FASTKD1: variants seen among roughly 807,000 people sequenced by gnomAD.
FASTKD1 encodes the protein FAST kinase domains 1.
Under a neutral mutation model 90.9 loss-of-function variants are expected in FASTKD1, and 94 were observed. That is an observed-to-expected ratio of 1.03 (90% CI 0.88 to 1.23). The LOEUF is 1.23. Ranked by LOEUF, FASTKD1 falls within the 50% of genes most tolerant of loss-of-function variation. The probability of loss-of-function intolerance (pLI) is 0.00; values close to 1 mark genes in which losing one functional copy is unlikely to be tolerated. For synonymous variants in FASTKD1, 319 were observed against 345.8 expected, an observed-to-expected ratio of 0.92 and a Z score of 0.86; for missense variants, 945 against 993.5, an observed-to-expected ratio of 0.95 and a Z score of 0.66.
At chr2:169,543,192 G>A (rs559229213) in intron 9 of FASTKD1, among the ~76,000 whole-genome samples, 52 of 152,230 alleles carry the variant, frequency 3.4e-4, no homozygotes, top group African/African-American at 1.1e-3. Flanking sequence ...AGCCAGGCAC[G>A]GTGGCTCACA....
At chr2:169,556,153 A>T (rs1034013414) in intron 6 of FASTKD1, among the ~76,000 whole-genome samples, 2 of 152,190 alleles carry the variant, frequency 1.3e-5, no homozygotes. Flanking sequence ...AAAAAGCTAT[A>T]AACAATTGTC....
intron 12 of FASTKD1, among the ~76,000 whole-genome samples, chr2:169,535,096 G>A (rs1684673398): frequency 1.3e-5 from 2 of 149,248 alleles, no homozygotes; most frequent in Admixed American, 1.3e-4. Context: ...GGGCTCAAGT[G>A]ATCCTCCTAC....
rs544127206 is a variant in FASTKD1, at chr2:169,529,053, A to G, written c.*772T>C. On this transcript the variant is annotated 3_prime_UTR_variant, in exon 15 of 15. Coordinates refer to ENST00000453153, the MANE Select transcript of FASTKD1 (RefSeq NM_024622.6). ...GGCATTGAATACTGCTGACATTTAT[A>G]CATTTATATCTGGGGCCTGGACCTC... Among the ~76,000 whole-genome samples, 5 of 152,196 alleles carry G rather than the reference A, an allele frequency of 3.3e-5. No homozygotes were observed. The South Asian group carries it at 8.3e-4, about 25-fold the overall frequency.
At chr2:169,560,345 T>C in intron 5 of FASTKD1, 42 bp downstream of exon 5, 1 of 1,482,454 alleles carries the variant, frequency 6.7e-7, no homozygotes, top group Non-Finnish European at 9.0e-7. Flanking sequence ...AGGCTCCACG[T>C]ATTCACAACA....
At position 169,560,528 on chromosome 2, in the gene FASTKD1, A is replaced by C. The variant is rs1683538511; in HGVS notation, c.830T>G (p.Phe277Cys). The C allele has an allele frequency of 6.2e-7, 1 of 1,603,850 alleles. No homozygotes were observed. The highest frequency in any genetic ancestry group is 1.7e-5 in the Admixed American group (1 of 57,974). Residue 277 changes from phenylalanine to cysteine, a missense_variant, in exon 5 of 15, where the codon TTT (phenylalanine) becomes TGT (cysteine). Phe to Cys is a radical substitution (Grantham distance 205, BLOSUM62 -2). Transcript: ENST00000453153. ...AAATTCAAAACTATTAAATTGTAGAAATTTGTATACACTAAGTATTTTACT... is the reference window on the plus strand; with the variant it reads ...AAATTCAAAACTATTAAATTGTAGACATTTGTATACACTAAGTATTTTACT... ...SISKILSVYK[F>C]LQFNSFEFII...
At chr2:169,556,985 C>G (rs1382429322) in intron 6 of FASTKD1, among the ~76,000 whole-genome samples, 1 of 149,152 alleles carries the variant, frequency 6.7e-6, no homozygotes, top group Non-Finnish European at 1.5e-5. Context: ...CCAGCCTGGG[C>G]AACAGAGTGA....
At chr2:169,552,012 A>T (rs1685511521) in intron 7 of FASTKD1, among the ~76,000 whole-genome samples, 3 of 152,204 alleles carry the variant, frequency 2.0e-5, no homozygotes, top group Admixed American at 6.5e-5. Context: ...GAGCTGTTTC[A>T]GGACCTAGGA....
At chr2:169,532,018 G>C (rs1438630164) in intron 12 of FASTKD1, among the ~76,000 whole-genome samples, 1 of 152,180 alleles carries the variant, frequency 6.6e-6, no homozygotes, top group Non-Finnish European at 1.5e-5. Context: ...TAGGCAATGA[G>C]TGATCATTAA....
chr2:169,562,213 G>A (rs1245806277), intron 4 of FASTKD1, among the ~76,000 whole-genome samples: 1 of 148,066 alleles, frequency 6.8e-6, no homozygotes, highest in Admixed American at 6.8e-5. Flanking sequence ...TTCAAGTTTT[G>A]TTACTGTTTT....
chr2:169,546,732 A>G, intron 7 of FASTKD1, 28 bp from the exon 8 acceptor site: 1 of 1,573,876 alleles, frequency 6.4e-7, no homozygotes, highest in Non-Finnish European at 8.6e-7. Context: ...AAAAGAATAC[A>G]TCAGCAACAA....
chr2:169,557,092 C>G (rs780168555), intron 6 of FASTKD1, 95 bp downstream of exon 6: 1 of 772,202 alleles, frequency 1.3e-6, no homozygotes, highest in South Asian at 1.4e-5. Flanking sequence ...TTCAAAACAA[C>G]TGGTAGATTA....
At chr2:169,541,911 C>T (rs1382097127) in intron 9 of FASTKD1, among the ~76,000 whole-genome samples, 2 of 152,166 alleles carry the variant, frequency 1.3e-5, no homozygotes, top group Admixed American at 6.6e-5. Context: ...AAAAACCAAA[C>T]ATGCTCTCAC....
intron 9 of FASTKD1, among the ~76,000 whole-genome samples, chr2:169,540,426 T>C (rs951068264): frequency 1.3e-5 from 2 of 152,208 alleles, no homozygotes; most frequent in African/African-American, 4.8e-5. Context: ...ACTGATTCCC[T>C]AGGTGATTCA....
rs1683644630 is a variant in FASTKD1 at position 169,561,814 on chromosome 2, G to GTAAATTATTTATTAATTTATTA, written c.573-1030_573-1029insTAATAAATTAATAAATAATTTA. Among the ~76,000 whole-genome samples the GTAAATTATTTATTAATTTATTA allele has an allele frequency of 4.7e-5, 6 of 128,762 alleles. No individual in the cohort carries two copies. In the South Asian group the frequency reaches 1.3e-3, roughly 29 times the overall value. The allele number at this position is 128,762 out of a possible 152,430, so 84.5% of individuals were successfully genotyped here. On this transcript the variant is annotated intron_variant, in intron 4 of 14. Coordinates refer to ENST00000453153, the MANE Select transcript of FASTKD1 (RefSeq NM_024622.6). ...ATTGTAAATTATTTATTAATTTATT[G>GTAAATTATTTATTAATTTATTA]TAAATTATTTATTAATTTATTGTAA...
At chr2:169,564,916 G>A (rs1683883121) in intron 3 of FASTKD1, among the ~76,000 whole-genome samples, 1 of 148,672 alleles carries the variant, frequency 6.7e-6, no homozygotes, top group African/African-American at 2.5e-5. Flanking sequence ...TTTTACGGCT[G>A]AATATTACCC....
rs529282990 is a variant in FASTKD1, at chr2:169,554,843, C to T, written c.1214+281G>A. 5.3e-5 allele frequency among the ~76,000 whole-genome samples: 8 copies of T among 152,300 alleles called. No homozygotes were observed. In the South Asian group the frequency reaches 1.0e-3, roughly 20 times the overall value. ...AGCAGTCCCAATCTTTTCATGGTGA[C>T]TCCATTTTGCAGGAAAGGAGAATGG... is the stretch of plus-strand genomic sequence containing the variant. On this transcript the variant is annotated intron_variant, in intron 7 of 14. Coordinates refer to ENST00000453153, the MANE Select transcript of FASTKD1 (RefSeq NM_024622.6).
At chr2:169,566,365 G>A (rs545961443) in intron 3 of FASTKD1, among the ~76,000 whole-genome samples, 42 of 152,298 alleles carry the variant, frequency 2.8e-4, no homozygotes, top group African/African-American at 9.4e-4. Context: ...AATTGTTGAA[G>A]CTGGAGGATG....
intron 4 of FASTKD1, among the ~76,000 whole-genome samples, chr2:169,560,986 T>A (rs911884318): frequency 6.8e-6 from 1 of 147,330 alleles, no homozygotes; most frequent in Non-Finnish European, 1.5e-5. Flanking sequence ...CCCAGCCACA[T>A]AAGTGTATTT....
chr2:169,530,947 CCTA>C (rs781005061), intron 13 of FASTKD1: 2 of 688,444 alleles, frequency 2.9e-6, no homozygotes, highest in East Asian at 2.9e-5. Flanking sequence ...TTTACACATG[CCTA>C]CTACATGTAA....
Sources: gnomAD v4.1 joint callset for allele counts (sites outside exome capture counted in the v4.1 genomes callset) on GRCh38, gnomAD v4.1.1 for gene constraint, MANE v1.5 for transcripts, NCBI Gene and HGNC (gene_info 2026-07-23, HGNC 2026-07-21) for gene names.